Variants in KCNMA1 observed in about 807,000 individuals in gnomAD.
The protein encoded by KCNMA1 is Calcium-activated potassium channel subunit alpha-1.
Under a neutral mutation model 140.0 loss-of-function variants are expected in KCNMA1, and 29 were observed. The observed-to-expected ratio is 0.21, with a 90% CI of 0.15 to 0.28. KCNMA1 has a LOEUF of 0.28. Ranked by LOEUF, KCNMA1 falls within the 10% of genes least tolerant of loss-of-function variation. KCNMA1 has a pLI of 1.00. For synonymous variants in KCNMA1, 612 were observed against 611.9 expected (o/e 1.00, Z 0.00); for missense variants, 880 against 1,602.2 (o/e 0.55, Z 7.70).
rs541180622 is a variant in KCNMA1, at chr10:77,027,077, A to C, written c.1928+746T>G. 5.3e-5 allele frequency among the ~76,000 whole-genome samples: 8 copies of C among 152,320 alleles called. No individual in the cohort carries two copies. The South Asian group carries it at 1.7e-3, about 32-fold the overall frequency. On this transcript the variant is annotated intron_variant, in intron 16 of 27. Transcript: ENST00000286628. Reference sequence around the variant, plus strand: ...CTCTCTTTCTTCCAAAACTATTGACAAGAACTGGGGAGCAAAAAAATCATC... The same window carrying C: ...CTCTCTTTCTTCCAAAACTATTGACCAGAACTGGGGAGCAAAAAAATCATC...
chr10:77,324,047 G>T (rs1034242149), intron 2 of KCNMA1, among the ~76,000 whole-genome samples: 5 of 152,294 alleles, frequency 3.3e-5, no homozygotes, highest in Middle Eastern at 3.4e-3. Flanking sequence ...ATCTTCTGTG[G>T]GGATTCTGGT....
chr10:77,136,524 T>A (rs1329213125), intron 5 of KCNMA1, among the ~76,000 whole-genome samples: 1 of 151,662 alleles, frequency 6.6e-6, no homozygotes, highest in African/African-American at 2.4e-5. Flanking sequence ...TAAAAATAAT[T>A]AAAATGGTAA....
At chr10:76,889,721 A>T (rs1211053741) in intron 26 of KCNMA1, 152 bp from the exon 27 acceptor site, 2 of 719,808 alleles carry the variant, frequency 2.8e-6, no homozygotes, top group Non-Finnish European at 5.1e-6. Context: ...GGAAGAAGTC[A>T]ACATGTTTAA....
chr10:77,497,495 T>C (rs983758964), intron 1 of KCNMA1, among the ~76,000 whole-genome samples: 1 of 152,182 alleles, frequency 6.6e-6, no homozygotes, highest in African/African-American at 2.4e-5. Flanking sequence ...TGCTGCTTTC[T>C]TGCATCCACC....
At chr10:77,426,436 C>T (rs574759395) in intron 1 of KCNMA1, among the ~76,000 whole-genome samples, 4 of 152,162 alleles carry the variant, frequency 2.6e-5, no homozygotes, top group South Asian at 2.1e-4. Flanking sequence ...GCCCATTTTA[C>T]GGATGAGGAA....
At chr10:77,575,104 G>A (rs2073568660) in intron 1 of KCNMA1, among the ~76,000 whole-genome samples, 1 of 152,170 alleles carries the variant, frequency 6.6e-6, no homozygotes, top group Non-Finnish European at 1.5e-5. Context: ...GCATAGCAAA[G>A]GGATTACTTT....
intron 3 of KCNMA1, among the ~76,000 whole-genome samples, chr10:77,213,151 T>A (rs1052571111): frequency 3.4e-4 from 51 of 152,162 alleles, no homozygotes; most frequent in African/African-American, 1.2e-3. Flanking sequence ...AATCCTATTG[T>A]TATGACGTGT....
At chr10:77,284,931 C>T (rs554295345) in intron 2 of KCNMA1, among the ~76,000 whole-genome samples, 3 of 152,222 alleles carry the variant, frequency 2.0e-5, no homozygotes, top group South Asian at 4.1e-4. Flanking sequence ...GATAAACATT[C>T]CTTCATTTCT....
chr10:77,261,722 A>C (rs190086343), intron 2 of KCNMA1, among the ~76,000 whole-genome samples: 6 of 152,312 alleles, frequency 3.9e-5, no homozygotes. Context: ...TGCTTTTTGC[A>C]TAATTTTACC....
At chr10:77,247,713 T>G (rs2058854392) in intron 3 of KCNMA1, among the ~76,000 whole-genome samples, 1 of 152,106 alleles carries the variant, frequency 6.6e-6, no homozygotes. Context: ...GGGGAGATGG[T>G]GTGTGGAGGG....
chr10:77,273,499 A>AT (rs1185296205), intron 2 of KCNMA1, among the ~76,000 whole-genome samples: 1 of 152,264 alleles, frequency 6.6e-6, no homozygotes, highest in Non-Finnish European at 1.5e-5. Context: ...AGAAACACAG[A>AT]TAAAAAATTT....
intron 20 of KCNMA1, among the ~76,000 whole-genome samples, chr10:76,959,536 C>G (rs971706510): frequency 1.3e-5 from 2 of 152,218 alleles, no homozygotes; most frequent in Admixed American, 1.3e-4. Flanking sequence ...GCCCTGAATA[C>G]AGCATCTGAC....
At position 77,462,830 on chromosome 10, in the gene KCNMA1, C is replaced by T. The variant is rs1222608414; in HGVS notation, c.379-58807G>A. ...GAGAGCTTGGCTCAGGAAGCCGGTG[C>T]TGCCTCTATCACCTCTGAGTTTCCA... On this transcript the variant is annotated intron_variant, in intron 1 of 27. Transcript: ENST00000286628. Among the ~76,000 whole-genome samples, 7 of 152,186 alleles carry T rather than the reference C, an allele frequency of 4.6e-5. No homozygotes were observed. The East Asian group carries it at 1.3e-3, about 29-fold the overall frequency.
intron 1 of KCNMA1, among the ~76,000 whole-genome samples, chr10:77,563,126 C>CT (rs1239265192): frequency 3.3e-5 from 5 of 150,736 alleles, no homozygotes; most frequent in African/African-American, 7.3e-5. Flanking sequence ...TGGTAAGATT[C>CT]TTTTTTTTTC....
intron 1 of KCNMA1, among the ~76,000 whole-genome samples, chr10:77,552,648 C>T (rs2063136299): frequency 6.6e-6 from 1 of 152,170 alleles, no homozygotes. Flanking sequence ...TTTTGTTTTT[C>T]CTGCCTTTGA....
rs567463483 is a variant in KCNMA1, at chr10:76,895,799, A to T, written c.3148-4080T>A. On this transcript the variant is annotated intron_variant, in intron 25 of 27. Coordinates refer to ENST00000286628, the MANE Select transcript of KCNMA1 (RefSeq NM_001161352.2). The stretch of plus-strand genomic sequence containing the variant: ...AATTTTAAAGCTGGGTGTCTGGGGG[A>T]GACATCACATGTCGGCGGGTTCCAT... Among the ~76,000 whole-genome samples, 9 of 152,240 alleles carry T rather than the reference A, an allele frequency of 5.9e-5. No homozygotes were observed. In the South Asian group the frequency reaches 1.0e-3, roughly 18 times the overall value.
At chr10:77,308,281 T>C (rs1197443605) in intron 2 of KCNMA1, among the ~76,000 whole-genome samples, 2 of 152,188 alleles carry the variant, frequency 1.3e-5, no homozygotes, top group Non-Finnish European at 2.9e-5. Context: ...CTTGAGCAAT[T>C]GATCTGAAAA....
chr10:77,019,337 A>G, intron 16 of KCNMA1: 2 of 531,310 alleles, frequency 3.8e-6, no homozygotes, highest in Middle Eastern at 1.0e-3. Context: ...AGGAAATCAA[A>G]GCAAATCAAG....
chr10:77,625,238 G>T (rs1269635117), intron 1 of KCNMA1, among the ~76,000 whole-genome samples: 2 of 152,054 alleles, frequency 1.3e-5, no homozygotes, highest in African/African-American at 4.8e-5. Context: ...AAAGTTAGCT[G>T]GGCGTGGTGG....
Sources: allele counts gnomAD v4.1 joint callset (sites outside exome capture counted in the v4.1 genomes callset), GRCh38; gene constraint gnomAD v4.1.1; transcripts MANE v1.5; gene names NCBI Gene and HGNC (gene_info 2026-07-23, HGNC 2026-07-21).